Variants in SORD observed in about 807,000 individuals in gnomAD.
SORD encodes the protein sorbitol dehydrogenase.
Under a neutral mutation model 35.6 loss-of-function variants are expected in SORD, and 18 were observed. The ratio of observed to expected loss-of-function variants is 0.51; its 90% confidence interval spans 0.35 to 0.75. SORD has a LOEUF of 0.75. SORD is among the 30% of genes least tolerant of loss of function. The pLI, the probability that SORD is intolerant of heterozygous loss-of-function variation, is 0.01. For synonymous variants in SORD, 106 were observed against 152.9 expected, an observed-to-expected ratio of 0.69 and a Z score of 2.26; for missense variants, 250 against 390.2, an observed-to-expected ratio of 0.64 and a Z score of 3.03.
intron 3 of SORD, among the ~76,000 whole-genome samples, chr15:45,055,892 G>C (rs1360204251): frequency 6.6e-6 from 1 of 151,742 alleles, no homozygotes; most frequent in Non-Finnish European, 1.5e-5. Flanking sequence ...CAAAAACCAC[G>C]TGATTATCTC....
At chr15:45,069,203 T>C (rs1893465673) in intron 7 of SORD, 151 bp downstream of exon 7, 1 of 457,444 alleles carries the variant, frequency 2.2e-6, no homozygotes, top group Non-Finnish European at 3.4e-6. Context: ...TCTTTTTTTT[T>C]TTTTTTTTTT....
intron 3 of SORD, among the ~76,000 whole-genome samples, chr15:45,054,178 T>C (rs1406362928): frequency 6.6e-6 from 1 of 152,242 alleles, no homozygotes; most frequent in Non-Finnish European, 1.5e-5. Context: ...GATGGCTAGG[T>C]CAAATGGTAT....
At chr15:45,029,490 A>G (rs1240090198) in intron 1 of SORD, among the ~76,000 whole-genome samples, 1 of 152,268 alleles carries the variant, frequency 6.6e-6, no homozygotes. Flanking sequence ...CCTTGAGGGG[A>G]ATGCAGCAGC....
intron 2 of SORD, among the ~76,000 whole-genome samples, chr15:45,042,760 T>C (rs1277888971): frequency 6.6e-6 from 1 of 151,592 alleles, no homozygotes; most frequent in East Asian, 1.9e-4. Flanking sequence ...GTTAGTGTTG[T>C]CCAGAGAAAC....
At chr15:45,041,464 G>A (rs892772981) in intron 2 of SORD, among the ~76,000 whole-genome samples, 21 of 151,942 alleles carry the variant, frequency 1.4e-4, no homozygotes, top group African/African-American at 4.8e-4. Context: ...CACCAGAACC[G>A]CAGCTTCTGG....
At chr15:45,037,690 C>T (rs992682377) in intron 1 of SORD, among the ~76,000 whole-genome samples, 1 of 152,032 alleles carries the variant, frequency 6.6e-6, no homozygotes, top group African/African-American at 2.4e-5. Flanking sequence ...TCTCAGCAAA[C>T]TAACACAGGA....
Position 45,030,869 on chromosome 15 carries a change from G to A in SORD, c.66+7520G>A, listed in dbSNP as rs566862655. ...AGGTGATGCCTGAGCACCAGTCCCAGTAACCAACTGCCTGTTGAACAGCTG... is the reference window on the plus strand; with the variant it reads ...AGGTGATGCCTGAGCACCAGTCCCAATAACCAACTGCCTGTTGAACAGCTG... On this transcript the variant is annotated intron_variant, in intron 1 of 8. Coordinates refer to ENST00000267814, the MANE Select transcript of SORD (RefSeq NM_003104.6). 2.6e-4 allele frequency among the ~76,000 whole-genome samples: 39 copies of A among 152,380 alleles called. No homozygotes were observed. In the South Asian group the frequency reaches 7.7e-3, roughly 30 times the overall value.
At chr15:45,071,310 G>T (rs1893509256) in intron 7 of SORD, among the ~76,000 whole-genome samples, 1 of 152,148 alleles carries the variant, frequency 6.6e-6, no homozygotes, top group African/African-American at 2.4e-5. Context: ...CTAGAAAATG[G>T]GCTGAGAGGG....
intron 1 of SORD, among the ~76,000 whole-genome samples, chr15:45,026,997 A>T (rs879641199): frequency 0.2 from 29,568 of 147,666 alleles, no homozygotes; most frequent in African/African-American, 0.44. Context: ...ACAAAAAATT[A>T]AACTCCTCAC....
intron 5 of SORD, among the ~76,000 whole-genome samples, chr15:45,067,719 C>A (rs142354760): frequency 0.013 from 1,918 of 152,254 alleles, 39 homozygotes; most frequent in African/African-American, 0.043. Context: ...CACTTAAGAA[C>A]CCTCTCCAGG....
intron 7 of SORD, among the ~76,000 whole-genome samples, chr15:45,069,461 C>T (rs1159224338): frequency 8.5e-5 from 13 of 152,140 alleles, no homozygotes; most frequent in African/African-American, 2.6e-4. Flanking sequence ...CCGCCCTCCT[C>T]GGCCTCTCAA....
chr15:45,051,924 A>G (rs1032392889), intron 3 of SORD, among the ~76,000 whole-genome samples: 1 of 152,220 alleles, frequency 6.6e-6, no homozygotes, highest in African/African-American at 2.4e-5. Flanking sequence ...AATTTAGTCA[A>G]TATATTCAGA....
intron 1 of SORD, among the ~76,000 whole-genome samples, chr15:45,039,172 A>C (rs1463451089): frequency 1.3e-5 from 2 of 151,434 alleles, no homozygotes; most frequent in Non-Finnish European, 2.9e-5. Context: ...CCTGTCACGC[A>C]GGCTGAAGTG....
intron 3 of SORD, among the ~76,000 whole-genome samples, chr15:45,053,891 G>A (rs1227409583): frequency 1.5e-5 from 2 of 137,598 alleles, no homozygotes; most frequent in East Asian, 2.1e-4. Flanking sequence ...GAGAACATGC[G>A]GTGTTTGGTT....
chr15:45,061,718 A>G (rs975959920), intron 4 of SORD, among the ~76,000 whole-genome samples: 1 of 151,832 alleles, frequency 6.6e-6, no homozygotes, highest in Non-Finnish European at 1.5e-5. Context: ...AAATACAAAA[A>G]ATTAGCCAGG....
chr15:45,072,739 C>T lies in SORD; in HGVS notation c.908+301C>T, dbSNP rs1432802868. 5.0e-5 allele frequency among the ~76,000 whole-genome samples: 7 copies of T among 140,840 alleles called. 1 individual carries two copies. Among genetic ancestry groups the T allele is most frequent in the Non-Finnish European group, 7.4e-5 (5 of 67,520 alleles). 92.4% of individuals were successfully genotyped at this position (140,840 alleles called of 152,430 possible). The stretch of plus-strand genomic sequence containing the variant: ...TTTTTCCCCCTATTTTCTTAAGTTG[C>T]CAGGTCTCCATTTTCTCCCTTTAAA... On this transcript the variant is annotated intron_variant, in intron 8 of 8. Coordinates refer to ENST00000267814, the MANE Select transcript of SORD (RefSeq NM_003104.6).
At chr15:45,066,783 G>A (rs1404105413) in intron 5 of SORD, among the ~76,000 whole-genome samples, 1 of 152,190 alleles carries the variant, frequency 6.6e-6, no homozygotes, top group Non-Finnish European at 1.5e-5. Context: ...GGTGATGGAT[G>A]TAGAATAGAC....
At chr15:45,046,689 A>G (rs866213975) in intron 3 of SORD, among the ~76,000 whole-genome samples, 2 of 152,228 alleles carry the variant, frequency 1.3e-5, no homozygotes, top group South Asian at 4.1e-4. Context: ...ACCACAACTC[A>G]TCAAATATTT....
chr15:45,073,490 A>C lies in SORD; in HGVS notation c.1034A>C (p.Lys345Thr). The C allele has an allele frequency of 6.5e-7, 1 of 1,549,986 alleles. No individual in the cohort carries two copies. The highest frequency in any genetic ancestry group is 8.6e-7 in the Non-Finnish European group (1 of 1,159,832). Residue 345 changes from lysine (K) to threonine (T), a missense_variant, in exon 9 of 9, where the codon AAA becomes ACA. Lys to Thr is a moderately conservative substitution (Grantham distance 78). Coordinates refer to ENST00000267814, the MANE Select transcript of SORD (RefSeq NM_003104.6). ...ACATTTAAAAAGGGATTGGGGTTGA[A>C]AATCATGCTCAAGTGTGACCCCAGT... ...FETFKKGLGL[K>T]IMLKCDPSDQ... is the part of the protein sequence containing the mutation.
Sources: gnomAD v4.1 joint callset for allele counts (sites outside exome capture counted in the v4.1 genomes callset) on GRCh38, gnomAD v4.1.1 for gene constraint, MANE v1.5 for transcripts, NCBI Gene and HGNC (gene_info 2026-07-23, HGNC 2026-07-21) for gene names.